The following NKAIN2 variants were observed in gnomAD, a reference collection of about 807,000 sequenced individuals.
NKAIN2 encodes the protein sodium/potassium-transporting ATPase subunit beta-1-interacting protein 2.
A neutral mutation model predicts 32.6 loss-of-function variants in NKAIN2; 14 were observed. The observed-to-expected ratio is 0.43, with a 90% CI of 0.28 to 0.67. NKAIN2 has a LOEUF of 0.67. NKAIN2 is among the 30% of genes least tolerant of loss of function. The probability of loss-of-function intolerance (pLI) is 0.17; values close to 1 mark genes in which losing one functional copy is unlikely to be tolerated. For missense variants in NKAIN2, 198 were observed against 258.3 expected (o/e 0.77, Z 1.60); for synonymous variants, 80 against 87.2 (o/e 0.92, Z 0.46).
chr6:124,020,150 C>A (rs1780800867), intron 1 of NKAIN2, among the ~76,000 whole-genome samples: 1 of 152,076 alleles, frequency 6.6e-6, no homozygotes, highest in Non-Finnish European at 1.5e-5. Context: ...CTCTGAGACT[C>A]TGTGAAGTGT....
At chr6:124,804,130 CCAAA>C (rs1356382437) in intron 5 of NKAIN2, among the ~76,000 whole-genome samples, 4 of 152,106 alleles carry the variant, frequency 2.6e-5, no homozygotes, top group Non-Finnish European at 4.4e-5. Flanking sequence ...CTTGATGCTA[CCAAA>C]CAGATTCTAC....
At chr6:124,229,986 G>A (rs1468225345) in intron 1 of NKAIN2, among the ~76,000 whole-genome samples, 2 of 152,132 alleles carry the variant, frequency 1.3e-5, no homozygotes, top group African/African-American at 4.8e-5. Flanking sequence ...TGGGTAAGAG[G>A]GAGAGGTTGA....
intron 3 of NKAIN2, among the ~76,000 whole-genome samples, chr6:124,376,114 T>C (rs1799978908): frequency 6.6e-6 from 1 of 152,128 alleles, no homozygotes; most frequent in Non-Finnish European, 1.5e-5. Flanking sequence ...TTAATTACTC[T>C]CTAATTGGAG....
chr6:124,170,388 C>G (rs1485681651), intron 1 of NKAIN2, among the ~76,000 whole-genome samples: 1 of 152,124 alleles, frequency 6.6e-6, no homozygotes, highest in Admixed American at 6.5e-5. Context: ...ATGCCATTTC[C>G]ATAGATATTT....
At chr6:123,874,782 A>T (rs1208536124) in intron 1 of NKAIN2, among the ~76,000 whole-genome samples, 5 of 152,258 alleles carry the variant, frequency 3.3e-5, no homozygotes, top group African/African-American at 1.2e-4. Context: ...TGAAAAAATT[A>T]TAAAGTCATA....
At chr6:124,316,402 G>A (rs1447716866) in intron 2 of NKAIN2, among the ~76,000 whole-genome samples, 1 of 152,056 alleles carries the variant, frequency 6.6e-6, no homozygotes, top group East Asian at 1.9e-4. Flanking sequence ...ACAGATGATT[G>A]ATGGATCCAT....
chr6:124,078,787 TG>T lies in NKAIN2; in HGVS notation c.55-204217del, dbSNP rs1438630426. 2.9e-3 allele frequency among the ~76,000 whole-genome samples: 54 copies of T among 18,894 alleles called. 1 individual carries two copies. The South Asian group carries it at 0.096, about 34-fold the overall frequency. 12.4% of individuals were successfully genotyped at this position (18,894 alleles called of 152,430 possible). A position where few individuals can be genotyped will look rare whatever the true frequency, so the allele number is the denominator to read the frequency against. On this transcript the variant is annotated intron_variant, in intron 1 of 6. Coordinates refer to ENST00000368417, the MANE Select transcript of NKAIN2 (RefSeq NM_001040214.3). ...AAGCCAAAAATGGCTATGTCGTTTTTGTGTGTGTGTGTGTGTGTGTGTGTGT... is the reference window on the plus strand; with the variant it reads ...AAGCCAAAAATGGCTATGTCGTTTTTTGTGTGTGTGTGTGTGTGTGTGTGT...
At chr6:123,917,471 G>A (rs1338802715) in intron 1 of NKAIN2, among the ~76,000 whole-genome samples, 1 of 152,162 alleles carries the variant, frequency 6.6e-6, no homozygotes, top group Non-Finnish European at 1.5e-5. Context: ...CTTACATTCT[G>A]TCTAAAAGTT....
chr6:123,883,213 C>T (rs576889962), intron 1 of NKAIN2, among the ~76,000 whole-genome samples: 2 of 152,094 alleles, frequency 1.3e-5, no homozygotes, highest in African/African-American at 4.8e-5. Context: ...GGCGTGAACT[C>T]GGCTCACTGC....
intron 4 of NKAIN2, among the ~76,000 whole-genome samples, chr6:124,662,880 G>A (rs757404173): frequency 6.6e-6 from 1 of 151,954 alleles, no homozygotes; most frequent in Non-Finnish European, 1.5e-5. Context: ...TGACTTCCAC[G>A]TCACCTAGAA....
intron 2 of NKAIN2, among the ~76,000 whole-genome samples, chr6:124,310,657 A>G (rs1796675174): frequency 6.6e-6 from 1 of 152,174 alleles, no homozygotes; most frequent in South Asian, 2.1e-4. Flanking sequence ...ATTAACTGAA[A>G]GCCGAAAGTA....
At chr6:124,587,134 A>C (rs2114953078) in intron 3 of NKAIN2, among the ~76,000 whole-genome samples, 1 of 152,330 alleles carries the variant, frequency 6.6e-6, no homozygotes, top group South Asian at 2.1e-4. Flanking sequence ...TAAAAAAGGT[A>C]AACTTTGGTA....
At chr6:124,500,718 G>T (rs1174630567) in intron 3 of NKAIN2, among the ~76,000 whole-genome samples, 1 of 151,356 alleles carries the variant, frequency 6.6e-6, no homozygotes, top group African/African-American at 2.4e-5. Flanking sequence ...GGGAAGATAG[G>T]GCTAATGCAC....
At chr6:123,934,531 C>A (rs1270895307) in intron 1 of NKAIN2, among the ~76,000 whole-genome samples, 1 of 152,062 alleles carries the variant, frequency 6.6e-6, no homozygotes, top group East Asian at 1.9e-4. Context: ...ATTACTTATT[C>A]TTTTATGTGC....
intron 1 of NKAIN2, among the ~76,000 whole-genome samples, chr6:123,998,450 T>C (rs907056481): frequency 6.6e-6 from 1 of 152,104 alleles, no homozygotes; most frequent in African/African-American, 2.4e-5. Flanking sequence ...CCTAAACAAC[T>C]AGAACTGGAG....
intron 3 of NKAIN2, among the ~76,000 whole-genome samples, chr6:124,619,495 C>G (rs1028261592): frequency 6.6e-6 from 1 of 152,036 alleles, no homozygotes; most frequent in Non-Finnish European, 1.5e-5. Flanking sequence ...GTCCTTTGAC[C>G]TGGCAATTTC....
At position 124,566,246 on chromosome 6, in the gene NKAIN2, C is replaced by A. The variant is rs544184416; in HGVS notation, c.274-91940C>A. On this transcript the variant is annotated intron_variant, in intron 3 of 6. Coordinates refer to ENST00000368417, the MANE Select transcript of NKAIN2 (RefSeq NM_001040214.3). Reference sequence around the variant, plus strand: ...ATCTTTCTTTTAGCTCCACCATACCCCAACCACAAAATCTGGTAGAGATAT... The same window carrying A: ...ATCTTTCTTTTAGCTCCACCATACCACAACCACAAAATCTGGTAGAGATAT... Among the ~76,000 whole-genome samples the A allele has an allele frequency of 2.6e-5, 4 of 152,304 alleles. No individual in the cohort carries two copies. In the South Asian group the frequency reaches 8.3e-4, roughly 32 times the overall value.
intron 3 of NKAIN2, among the ~76,000 whole-genome samples, chr6:124,494,532 C>T (rs1210413621): frequency 6.6e-6 from 1 of 152,024 alleles, no homozygotes; most frequent in African/African-American, 2.4e-5. Flanking sequence ...CTTAATAGAA[C>T]ACTGCATGTG....
intron 3 of NKAIN2, among the ~76,000 whole-genome samples, chr6:124,551,753 C>T (rs1378825635): frequency 6.6e-6 from 1 of 152,022 alleles, no homozygotes; most frequent in African/African-American, 2.4e-5. Context: ...TAAATGAAGC[C>T]AGAAAAGTAA....
Sources: gnomAD v4.1 joint callset for allele counts (sites outside exome capture counted in the v4.1 genomes callset) on GRCh38, gnomAD v4.1.1 for gene constraint, MANE v1.5 for transcripts, NCBI Gene and HGNC (gene_info 2026-07-23, HGNC 2026-07-21) for gene names.